Variants in PAK3 observed in about 807,000 individuals in gnomAD.
PAK3 encodes the protein p21 (RAC1) activated kinase 3, also known as serine/threonine-protein kinase PAK 3.
In PAK3, 4 loss-of-function variants were observed where a neutral mutation model predicts 41.0. The observed-to-expected ratio is 0.10, with a 90% CI of 0.05 to 0.22. The LOEUF (loss-of-function observed/expected upper bound fraction) is 0.22. Among genes scored for constraint, PAK3 ranks in the 10% least tolerant of loss-of-function variants. PAK3 has a pLI of 1.00. For synonymous variants in PAK3, 146 were observed against 139.6 expected (o/e 1.05, Z -0.32); for missense variants, 205 against 409.9 (o/e 0.50, Z 4.32).
chrX:111,123,203 C>T lies in PAK3; in HGVS notation c.100C>T (p.Pro34Ser). 1 of 1,206,432 alleles carries T rather than the reference C, an allele frequency of 8.3e-7. No homozygotes were observed. Among genetic ancestry groups the T allele is most frequent in the Non-Finnish European group, 1.1e-6 (1 of 890,340 alleles). The change falls in exon 5 of 18, where the codon CCA becomes TCA. Residue 34 changes from proline to serine, a missense_variant. Physicochemically the swap from Pro to Ser is moderately conservative, Grantham distance 74 (BLOSUM62 -1). Transcript: ENST00000372007. ...DSSALNHSSKPLPMAPEEKNK... is the reference protein window; with the variant it reads ...DSSALNHSSKSLPMAPEEKNK... Reference sequence around the variant, plus strand: ...TTCAGCACTCAACCACAGCTCCAAACCACTTCCCATGGCCCCTGAAGAGAA... The same window carrying T: ...TTCAGCACTCAACCACAGCTCCAAATCACTTCCCATGGCCCCTGAAGAGAA...
intron 7 of PAK3, among the ~76,000 whole-genome samples, chrX:111,151,820 C>T (rs1041980317): frequency 8.9e-6 from 1 of 111,810 alleles, no homozygotes; most frequent in Non-Finnish European, 1.9e-5. Flanking sequence ...TACATGACTA[C>T]AAGCACTGTG....
intron 4 of PAK3, among the ~76,000 whole-genome samples, chrX:111,113,180 A>C (rs749094565): frequency 2.7e-5 from 3 of 111,668 alleles, no homozygotes; most frequent in Non-Finnish European, 5.6e-5. Context: ...CTCAAGCGCT[A>C]TATCCTCTGA....
intron 5 of PAK3, among the ~76,000 whole-genome samples, chrX:111,136,635 A>T (rs2093793554): frequency 8.9e-6 from 1 of 111,942 alleles, no homozygotes; most frequent in Admixed American, 9.5e-5. Context: ...TCAAAGAACA[A>T]GTAAAATAGG....
chrX:111,119,009 A>G (rs893799150), intron 4 of PAK3, among the ~76,000 whole-genome samples: 7 of 111,465 alleles, frequency 6.3e-5, no homozygotes, highest in African/African-American at 2.3e-4. Flanking sequence ...CAAGTTAATG[A>G]AGGTCACTCT....
At chrX:111,073,561 A>G (rs1010776149) in intron 1 of PAK3, among the ~76,000 whole-genome samples, 1 of 112,235 alleles carries the variant, frequency 8.9e-6, no homozygotes, top group Non-Finnish European at 1.9e-5. Flanking sequence ...ACAAATGATC[A>G]TAAGAATCTA....
At chrX:111,094,293 G>A (rs1474443846), upstream of PAK3, among the ~76,000 whole-genome samples, 1 of 111,677 alleles carries the variant, frequency 9.0e-6, no homozygotes. Flanking sequence ...TTTAAAGCAA[G>A]TATGTATTTT....
intron 1 of PAK3, among the ~76,000 whole-genome samples, chrX:111,072,827 T>A (rs1033417492): frequency 8.9e-6 from 1 of 111,917 alleles, no homozygotes; most frequent in African/African-American, 3.2e-5. Context: ...GGGGAGATGT[T>A]GCTGCAGTAA....
chrX:111,002,505 G>A (rs1186932720), intron 1 of PAK3, among the ~76,000 whole-genome samples: 4 of 111,709 alleles, frequency 3.6e-5, no homozygotes, highest in Admixed American at 1.9e-4. Context: ...CTGTTAAGAA[G>A]GCCCGAAGCA....
At chrX:110,944,616 G>A (rs1202404800) in exon 1 of PAK3, 4 of 112,569 alleles carry the variant, frequency 3.6e-5, no homozygotes, top group African/African-American at 6.5e-5. Flanking sequence ...TGACCAAGAA[G>A]AGGCTGGAAC....
chrX:111,216,454 G>C lies in PAK3; in HGVS notation c.1441G>C (p.Glu481Gln). 8.4e-7 allele frequency: 1 copy of C among 1,189,097 alleles called. No individual in the cohort carries two copies. Among genetic ancestry groups the C allele is most frequent in the Non-Finnish European group, 1.1e-6 (1 of 874,810 alleles). The stretch of plus-strand genomic sequence containing the variant: ...TCTGATAGCCACTAATGGAACTCCA[G>C]AGCTCCAGAATCCTGAGAGACTGTC... ...LYLIATNGTP[E>Q]LQNPERLSAV... is the part of the protein sequence containing the mutation. The change falls in exon 17 of 18, where the codon GAG becomes CAG. Residue 481 changes from glutamate to glutamine, a missense_variant. Around this residue, in one of 5 missense-constraint regions of PAK3, gnomAD observed 40 missense variants for 54.4 expected, o/e 0.74. Transcript: ENST00000372007.
chrX:111,006,593 G>A (rs2091928021), intron 1 of PAK3, among the ~76,000 whole-genome samples: 2 of 111,493 alleles, frequency 1.8e-5, no homozygotes, highest in Admixed American at 1.9e-4. Context: ...CAGATCCCCT[G>A]ATGAAATAAA....
chrX:111,063,289 C>G (rs1047747970), intron 1 of PAK3, among the ~76,000 whole-genome samples: 2 of 111,841 alleles, frequency 1.8e-5, no homozygotes, highest in Non-Finnish European at 3.8e-5. Context: ...ACTATCTACC[C>G]CAAAATTCAT....
At position 111,154,473 on chromosome X, in the gene PAK3, C is replaced by T. The variant is rs372026713; in HGVS notation, c.468+2026C>T. On this transcript the variant is annotated intron_variant, in intron 8 of 17. Transcript: ENST00000372007. ...GAATAAAAATAGTACTTACCTCCTA[C>T]GTCTTGTGTGAATATTAAATGTGAT... 2.3e-4 allele frequency among the ~76,000 whole-genome samples: 26 copies of T among 111,290 alleles called. No homozygotes were observed. In the East Asian group the frequency reaches 5.9e-3, roughly 25 times the overall value.
At position 111,221,808 on chromosome X, in the gene PAK3, A is replaced by G; in HGVS notation, c.*1361A>G. ...TAGTTCTTTGGGCTTTTGAATATCA[A>G]AAGCATATTCATAAATGTCTTGAAA... On this transcript the variant is annotated 3_prime_UTR_variant, in exon 18 of 18. Transcript: ENST00000372007. 1 of 111,834 alleles carries G rather than the reference A, an allele frequency of 8.9e-6. No individual in the cohort carries two copies. The highest frequency in any genetic ancestry group is 1.9e-5 in the Non-Finnish European group (1 of 53,080). The allele number at this position is 111,834 out of a possible 1,213,427, so 9.2% of individuals were successfully genotyped here. A position where few individuals can be genotyped will look rare whatever the true frequency, so the allele number is the denominator to read the frequency against.
intron 1 of PAK3, among the ~76,000 whole-genome samples, chrX:111,033,669 C>A (rs1380726485): frequency 9.0e-6 from 1 of 111,446 alleles, no homozygotes; most frequent in Non-Finnish European, 1.9e-5. Context: ...AAATGATTCC[C>A]CAACACCAAA....
chrX:111,054,960 T>C (rs2092591298), intron 1 of PAK3, among the ~76,000 whole-genome samples: 1 of 112,088 alleles, frequency 8.9e-6, no homozygotes, highest in Non-Finnish European at 1.9e-5. Flanking sequence ...GAATATCAAA[T>C]ATAGGAAAGG....
intron 1 of PAK3, among the ~76,000 whole-genome samples, chrX:111,065,317 G>T (rs866043912): frequency 8.8e-5 from 9 of 102,267 alleles, no homozygotes; most frequent in East Asian, 6.2e-4. Context: ...AGATGATCAC[G>T]TTTTTTTTTT....
At chrX:111,121,051 C>T (rs980819338) in intron 4 of PAK3, among the ~76,000 whole-genome samples, 1 of 112,065 alleles carries the variant, frequency 8.9e-6, no homozygotes, top group African/African-American at 3.2e-5. Context: ...CACATTAGCA[C>T]TGGTCTCATA....
chrX:111,055,603 C>A (rs2092598326), intron 1 of PAK3, among the ~76,000 whole-genome samples: 1 of 112,297 alleles, frequency 8.9e-6, no homozygotes, highest in Non-Finnish European at 1.9e-5. Flanking sequence ...CTGTGTCAAG[C>A]CTGTGAAACC....
Sources: allele counts gnomAD v4.1 joint callset (sites outside exome capture counted in the v4.1 genomes callset), GRCh38; gene constraint gnomAD v4.1.1; regional missense constraint gnomAD v4.1.1; transcripts MANE v1.5; gene names NCBI Gene and HGNC (gene_info 2026-07-23, HGNC 2026-07-21).